SLC5A4: variants seen among roughly 807,000 people sequenced by gnomAD.
The protein encoded by SLC5A4 is probable glucose sensor protein SLC5A4.
SLC5A4 carries 55 observed loss-of-function variants against 70.3 expected under a neutral mutation model. The observed-to-expected ratio is 0.78, with a 90% CI of 0.63 to 0.98. The LOEUF (loss-of-function observed/expected upper bound fraction) is 0.98. Ranked by LOEUF, SLC5A4 falls within the 50% of genes least tolerant of loss-of-function variation. The pLI, the probability that SLC5A4 is intolerant of heterozygous loss-of-function variation, is 0.00. For missense variants in SLC5A4, 735 were observed against 839.2 expected, an observed-to-expected ratio of 0.88 and a Z score of 1.53; for synonymous variants, 268 against 305.7, an observed-to-expected ratio of 0.88 and a Z score of 1.29.
At chr22:32,246,286 C>T (rs114769363) in intron 5 of SLC5A4, among the ~76,000 whole-genome samples, 1 of 152,154 alleles carries the variant, frequency 6.6e-6, no homozygotes, top group Non-Finnish European at 1.5e-5. Context: ...TGCCATCTAA[C>T]CTAAGCAGCT....
the SLC5A4 span, among the ~76,000 whole-genome samples, chr22:32,332,100 C>A: frequency 1.1e-3 from 167 of 152,272 alleles, 1 homozygote; most frequent in African/African-American, 4.0e-3. Flanking sequence ...CCACCACCAC[C>A]CTCGGCCAAG....
At chr22:32,353,790 C>T in the SLC5A4 span, among the ~76,000 whole-genome samples, 2 of 149,594 alleles carry the variant, frequency 1.3e-5, no homozygotes, top group African/African-American at 4.9e-5. Flanking sequence ...CCAATCCGCT[C>T]CCTGCCGTAC....
intron 7 of SLC5A4, 144 bp downstream of exon 7, chr22:32,237,100 T>C: frequency 1.5e-6 from 1 of 662,764 alleles, no homozygotes; most frequent in Non-Finnish European, 2.7e-6. Context: ...CAGGCAGATA[T>C]TTCAGTGATG....
chr22:32,339,849 AC>A, the SLC5A4 span, among the ~76,000 whole-genome samples: 1 of 152,218 alleles, frequency 6.6e-6, no homozygotes, highest in African/African-American at 2.4e-5. Context: ...CTGGACCCAG[AC>A]CAGGACTTGT....
At chr22:32,340,698 C>T in the SLC5A4 span, among the ~76,000 whole-genome samples, 17 of 152,132 alleles carry the variant, frequency 1.1e-4, no homozygotes, top group Non-Finnish European at 2.1e-4. Flanking sequence ...GTTGGAGGAA[C>T]AGCAGCGGGG....
At chr22:32,293,328 T>C in the SLC5A4 span, among the ~76,000 whole-genome samples, 4 of 152,150 alleles carry the variant, frequency 2.6e-5, no homozygotes, top group African/African-American at 9.6e-5. Flanking sequence ...ATGATGTGGT[T>C]TTTTTGGTCC....
chr22:32,306,856 G>T, the SLC5A4 span, among the ~76,000 whole-genome samples: 1 of 152,106 alleles, frequency 6.6e-6, no homozygotes, highest in Non-Finnish European at 1.5e-5. Flanking sequence ...GGGAAATGGG[G>T]AACAATAGGA....
In SLC5A4 at chr22:32,239,027, T is replaced by C. The variant is rs143297705; in HGVS notation, c.541A>G (p.Ile181Val). The C allele has an allele frequency of 9.9e-5, 160 of 1,613,892 alleles. No individual in the cohort carries two copies. Among genetic ancestry groups the C allele is most frequent in the Non-Finnish European group, 1.2e-4 (147 of 1,179,958 alleles). Residue 181 changes from isoleucine (I) to valine (V), a missense_variant, in exon 6 of 15, where the codon ATC becomes GTC. By Grantham distance (29) the Ile-to-Val change is conservative. Transcript: ENST00000266086. Reference protein sequence around the residue: ...LALGLDLYLAIFILLAMTAVY... With the variant: ...LALGLDLYLAVFILLAMTAVY... ...GCAGTCATAGCCAAGAGGATGAAGA[T>C]TGCCAGGTAAAGGTCCAATCCCAAG...
the SLC5A4 span, among the ~76,000 whole-genome samples, chr22:32,315,612 T>C: frequency 1.3e-5 from 2 of 151,886 alleles, no homozygotes; most frequent in Non-Finnish European, 2.9e-5. Context: ...AAAACGCAGC[T>C]TTCCAAATTA....
the SLC5A4 span, chr22:32,271,425 A>C: frequency 1.3e-6 from 1 of 774,076 alleles, no homozygotes; most frequent in African/African-American, 1.7e-5. Context: ...GCTTATCTAC[A>C]AGGCCTTCCC....
At chr22:32,306,151 C>T in the SLC5A4 span, among the ~76,000 whole-genome samples, 3 of 152,108 alleles carry the variant, frequency 2.0e-5, no homozygotes, top group African/African-American at 7.2e-5. Context: ...TTATTAAAAC[C>T]TAGGGACATT....
the SLC5A4 span, among the ~76,000 whole-genome samples, chr22:32,318,362 A>T: frequency 6.6e-6 from 1 of 152,064 alleles, no homozygotes; most frequent in Non-Finnish European, 1.5e-5. Context: ...CGATGTCACC[A>T]AATTGATATT....
Position 32,224,436 on chromosome 22 carries a change from C to T in SLC5A4, c.1496G>A (p.Arg499His), listed in dbSNP as rs202047372. 1.9e-5 allele frequency: 31 copies of T among 1,613,862 alleles called. No individual in the cohort carries two copies. The highest frequency in any genetic ancestry group is 2.7e-5 in the African/African-American group (2 of 74,890). Reference protein sequence around the residue: ...LMVGLAMGLIRMITEFAYGTG... With the variant: ...LMVGLAMGLIHMITEFAYGTG... ...TCCATAAGCAAACTCTGTTATCATA[C>T]GAATGAGGCCCATTGCAAGTCCAAC... Residue 499 changes from arginine to histidine, a missense_variant, in exon 13 of 15, where the codon CGT becomes CAT. Physicochemically the swap from Arg to His is conservative, Grantham distance 29 (BLOSUM62 0). Coordinates refer to ENST00000266086, the MANE Select transcript of SLC5A4 (RefSeq NM_014227.3).
chr22:32,250,836 C>T (rs9606922), intron 3 of SLC5A4, among the ~76,000 whole-genome samples: 1 of 151,994 alleles, frequency 6.6e-6, no homozygotes, highest in Non-Finnish European at 1.5e-5. Flanking sequence ...AGCCCTCATT[C>T]TCAGCAAACT....
intron 4 of SLC5A4, 80 bp from the exon 5 acceptor site, chr22:32,247,595 C>G: frequency 1.1e-6 from 1 of 906,956 alleles, no homozygotes; most frequent in Non-Finnish European, 1.8e-6. Context: ...TTCCTAAGCA[C>G]CTGTGAGTGA....
At chr22:32,319,501 T>C in the SLC5A4 span, among the ~76,000 whole-genome samples, 1 of 152,156 alleles carries the variant, frequency 6.6e-6, no homozygotes, top group South Asian at 2.1e-4. Context: ...CATCATCGGC[T>C]CTTTTGGGTC....
At chr22:32,328,364 TGGATA>T in the SLC5A4 span, among the ~76,000 whole-genome samples, 1 of 152,110 alleles carries the variant, frequency 6.6e-6, no homozygotes, top group Admixed American at 6.5e-5. Context: ...TTGTAACAAA[TGGATA>T]GAATAGAAGT....
At chr22:32,300,813 G>C in the SLC5A4 span, among the ~76,000 whole-genome samples, 1 of 152,186 alleles carries the variant, frequency 6.6e-6, no homozygotes, top group Non-Finnish European at 1.5e-5. Context: ...TGAAGTACAT[G>C]TGGATTTTTC....
intron 5 of SLC5A4, among the ~76,000 whole-genome samples, chr22:32,239,722 G>A (rs1374651067): frequency 1.4e-5 from 2 of 145,216 alleles, no homozygotes; most frequent in African/African-American, 5.0e-5. Flanking sequence ...TAATATATTG[G>A]ATAGAAAGTA....
Sources: gnomAD v4.1 joint callset for allele counts (sites outside exome capture counted in the v4.1 genomes callset) on GRCh38, gnomAD v4.1.1 for gene constraint, MANE v1.5 for transcripts, NCBI Gene and HGNC (gene_info 2026-07-23, HGNC 2026-07-21) for gene names.